Variants in APEH observed in about 807,000 individuals in gnomAD.
APEH encodes acylaminoacyl-peptide hydrolase.
Under a neutral mutation model 102.7 loss-of-function variants are expected in APEH, and 75 were observed. That is an observed-to-expected ratio of 0.73 (90% confidence interval 0.61 to 0.89). The LOEUF (loss-of-function observed/expected upper bound fraction) is 0.89. APEH is among the 40% of genes least tolerant of loss of function. The pLI, the probability that APEH is intolerant of heterozygous loss-of-function variation, is 0.00. For missense variants in APEH, 863 were observed against 941.2 expected (o/e 0.92, Z 1.09); for synonymous variants, 344 against 362.7 (o/e 0.95, Z 0.59).
chr3:49,680,698 A>G, intron 14 of APEH, 69 bp downstream of exon 14: 1 of 1,401,262 alleles, frequency 7.1e-7, no homozygotes, highest in Non-Finnish European at 1.0e-6. Flanking sequence ...CAGGTCAGGG[A>G]ATTGGCCCCA....
In APEH at chr3:49,682,631, C is replaced by T; in HGVS notation, c.1778C>T (p.Ser593Phe). 1 of 1,614,126 alleles carries T rather than the reference C, an allele frequency of 6.2e-7. No homozygotes were observed. Among genetic ancestry groups the T allele is most frequent in the Non-Finnish European group, 8.5e-7 (1 of 1,180,034 alleles). Residue 593 changes from serine (S) to phenylalanine (F), a missense_variant, in exon 19 of 22, where the codon TCC (serine) becomes TTC (phenylalanine). Ser to Phe is a radical substitution (Grantham distance 155). Coordinates refer to ENST00000296456, the MANE Select transcript of APEH (RefSeq NM_001640.4). Reference sequence around the variant, plus strand: ...GGTGGTTCCCATGGTGGCTTCATTTCCTGCCACTTGATTGGTCAGTACCCA... The same window carrying T: ...GGTGGTTCCCATGGTGGCTTCATTTTCTGCCACTTGATTGGTCAGTACCCA... ...LMGGSHGGFISCHLIGQYPET... is the reference protein window; with the variant it reads ...LMGGSHGGFIFCHLIGQYPET...
At chr3:49,674,243 C>T (rs968944786), upstream of APEH, 2 of 961,016 alleles carry the variant, frequency 2.1e-6, no homozygotes, top group Non-Finnish European at 3.0e-6. Flanking sequence ...GGCCCGCCCC[C>T]TGCCAACGGT....
chr3:49,677,690 G>A (rs368189075), intron 11 of APEH, 57 bp downstream of exon 11: 42 of 1,483,740 alleles, frequency 2.8e-5, no homozygotes, highest in Admixed American at 2.5e-4. Context: ...CTTTCCTGCC[G>A]TCTGTTGCAT....
At position 49,675,703 on chromosome 3, in the gene APEH, C is replaced by G. The variant is rs1559629586; in HGVS notation, c.282C>G (p.Ser94Arg). 1.2e-6 allele frequency: 2 copies of G among 1,613,896 alleles called. No individual in the cohort carries two copies. Among genetic ancestry groups the G allele is most frequent in the Non-Finnish European group, 1.7e-6 (2 of 1,179,922 alleles). The part of the protein sequence containing the change: ...NSVETRGELL[S>R]RESPSGTMKA... ...TACCCCATGTCCACAGACTGCTGAG[C>G]AGAGAGTCTCCTTCAGGCACCATGA... The change falls in exon 4 of 22, where the codon AGC (serine) becomes AGG (arginine). Residue 94 changes from serine to arginine, a missense_variant. Physicochemically the swap from Ser to Arg is moderately radical, Grantham distance 110. Coordinates refer to ENST00000296456, the MANE Select transcript of APEH (RefSeq NM_001640.4).
Position 49,683,642 on chromosome 3 carries a change from G to C in APEH, c.*300G>C, listed in dbSNP as rs1361526974. 3 of 479,436 alleles carry C rather than the reference G, an allele frequency of 6.3e-6. No homozygotes were observed. Among genetic ancestry groups the C allele is most frequent in the Non-Finnish European group, 1.1e-5 (3 of 262,560 alleles). 29.7% of individuals were successfully genotyped at this position (479,436 alleles called of 1,614,324 possible). On this transcript the variant is annotated 3_prime_UTR_variant, in exon 22 of 22. Coordinates refer to ENST00000296456, the MANE Select transcript of APEH (RefSeq NM_001640.4). Reference sequence around the variant, plus strand: ...AGTGTGAGAAGGGAGGGAACAGTGAGAGGCTTAGCCTCTGCCTGTCCTGGC... The same window carrying C: ...AGTGTGAGAAGGGAGGGAACAGTGACAGGCTTAGCCTCTGCCTGTCCTGGC...
intron 14 of APEH, 32 bp downstream of exon 14, chr3:49,680,661 C>G: frequency 6.3e-7 from 1 of 1,594,662 alleles, no homozygotes; most frequent in South Asian, 1.1e-5. Context: ...GCTGTGGAGG[C>G]AGGGGTTCTG....
chr3:49,676,105 T>A lies in APEH; in HGVS notation c.492T>A (p.Tyr164Ter), dbSNP rs764392325. The A allele has an allele frequency of 1.2e-5, 20 of 1,614,120 alleles. No individual in the cohort carries two copies. Among genetic ancestry groups the A allele is most frequent in the Non-Finnish European group, 1.7e-5 (20 of 1,180,046 alleles). Residue 164 changes from tyrosine (Y) to a stop codon, truncating the protein, a stop_gained, in exon 6 of 22, where the codon TAT (tyrosine) becomes TAA (stop). Coordinates refer to ENST00000296456, the MANE Select transcript of APEH (RefSeq NM_001640.4). LOFTEE classifies it high-confidence loss of function. The stretch of plus-strand genomic sequence containing the variant: ...CGCACTCGGAGACACACTTGTTGTA[T>A]GTGGCAGAGAAGAAGCGCCCCAAGG... ...SWSHSETHLL[Y>*]VAEKKRPKAE...
At chr3:49,682,311 T>C in intron 17 of APEH, 37 bp from the exon 18 acceptor site, 2 of 1,566,680 alleles carry the variant, frequency 1.3e-6, no homozygotes, top group Non-Finnish European at 1.8e-6. Flanking sequence ...CTGGGAATGT[T>C]GCCTGACTAC....
Position 49,675,939 on chromosome 3 carries a change from GAGA to G in APEH, c.417_419del (p.Lys140del). 6.2e-7 allele frequency: 1 copy of G among 1,614,204 alleles called. No individual in the cohort carries two copies. The highest frequency in any genetic ancestry group is 8.5e-7 in the Non-Finnish European group (1 of 1,180,034). The stretch of plus-strand genomic sequence containing the variant: ...CAAGAGCTTCAACCTGTCAGCGCTG[GAGA>G]AACATGGGCCTGTTTATGAGGATGG... On this transcript the variant is annotated inframe_deletion, in exon 5 of 22. Transcript: ENST00000296456.
Position 49,676,446 on chromosome 3 carries a change from C to T in APEH, c.675C>T (p.Cys225=), listed in dbSNP as rs138376291. 36 of 1,614,094 alleles carry T rather than the reference C, an allele frequency of 2.2e-5. No individual in the cohort carries two copies. Among genetic ancestry groups the T allele is most frequent in the African/African-American group, 4.0e-5 (3 of 74,936 alleles). ...NMVSKSIPVL[C]VLDVESGNIS... is the part of the protein sequence containing the mutation. Reference sequence around the variant, plus strand: ...TTTCCAAAAGCATCCCTGTGCTCTGCGTGCTGGATGTCGAGAGTGGCAACA... The same window carrying T: ...TTTCCAAAAGCATCCCTGTGCTCTGTGTGCTGGATGTCGAGAGTGGCAACA... The change falls in exon 7 of 22, where the codon TGC becomes TGT. Residue 225 remains cysteine, a synonymous_variant. Coordinates refer to ENST00000296456, the MANE Select transcript of APEH (RefSeq NM_001640.4).
chr3:49,677,116 C>G, intron 10 of APEH, 92 bp downstream of exon 10: 1 of 1,556,882 alleles, frequency 6.4e-7, no homozygotes, highest in South Asian at 1.2e-5. Flanking sequence ...TCCCCATAGG[C>G]CCTCAGTAGG....
Position 49,679,753 on chromosome 3 carries a change from A to G in APEH, c.1210+109A>G. The G allele has an allele frequency of 9.0e-7, 1 of 1,111,144 alleles. No individual in the cohort carries two copies. The highest frequency in any genetic ancestry group is 1.3e-6 in the Non-Finnish European group (1 of 746,460). 68.8% of individuals were successfully genotyped at this position (1,111,144 alleles called of 1,614,324 possible). ...TGGGGCAGTGATGGCATTCTCAGCC[A>G]CTCAGCACCACTGACTGTTCCACAG... On this transcript the variant is annotated intron_variant, in intron 13 of 21. Coordinates refer to ENST00000296456, the MANE Select transcript of APEH (RefSeq NM_001640.4). This position sits in a 1 kb window ranked among gnomAD's most constrained non-coding sequence, Gnocchi z 4.3.
At chr3:49,676,755 A>C in intron 8 of APEH, 22 bp from the exon 9 acceptor site, 1 of 1,614,172 alleles carries the variant, frequency 6.2e-7, no homozygotes, top group Non-Finnish European at 8.5e-7. Context: ...CTTGAGACTG[A>C]GTGTCTGTCT....
At chr3:49,675,392 G>C in intron 3 of APEH, 83 bp downstream of exon 3, 1 of 1,559,268 alleles carries the variant, frequency 6.4e-7, no homozygotes, top group Admixed American at 1.9e-5. Context: ...CATGTGCCTA[G>C]AAGGGAGGCC....
intron 8 of APEH, 29 bp from the exon 9 acceptor site, chr3:49,676,748 G>A: frequency 6.2e-7 from 1 of 1,614,268 alleles, no homozygotes. Flanking sequence ...AGCTGGCCTT[G>A]AGACTGAGTG....
upstream of APEH, chr3:49,674,285 A>G (rs370564352): frequency 4.5e-6 from 6 of 1,339,572 alleles, no homozygotes; most frequent in African/African-American, 1.5e-5. Context: ...CCCGCCCCTC[A>G]CAGATTGCCG....
chr3:49,676,476 T>G lies in APEH; in HGVS notation c.705T>G (p.Ser235=). ...TGGATGTCGAGAGTGGCAACATCTC[T>G]GTGCTTGAGGGGGTCCCTGAGAATG... ...CVLDVESGNI[S]VLEGVPENVS... is the part of the protein sequence containing the mutation. Residue 235 remains serine, a synonymous_variant, in exon 7 of 22, where the codon TCT becomes TCG. Coordinates refer to ENST00000296456, the MANE Select transcript of APEH (RefSeq NM_001640.4). 1 of 1,614,244 alleles carries G rather than the reference T, an allele frequency of 6.2e-7. No homozygotes were observed. Among genetic ancestry groups the G allele is most frequent in the South Asian group, 1.1e-5 (1 of 91,090 alleles).
chr3:49,674,892 G>A (rs966411666), intron 2 of APEH, among the ~76,000 whole-genome samples: 17 of 152,108 alleles, frequency 1.1e-4, no homozygotes, highest in South Asian at 2.1e-4. Flanking sequence ...ACCTTGTAGG[G>A]CTCTCCACCA....
At chr3:49,673,734 C>A (rs1229925562), upstream of APEH, among the ~76,000 whole-genome samples, 1 of 152,150 alleles carries the variant, frequency 6.6e-6, no homozygotes, top group Non-Finnish European at 1.5e-5. Context: ...CCGAAGGAAC[C>A]CTACAGTCAG....
Sources: gnomAD v4.1 joint callset for allele counts (sites outside exome capture counted in the v4.1 genomes callset) on GRCh38, gnomAD v4.1.1 for gene constraint, Gnocchi (gnomAD v3.1) non-coding constraint, MANE v1.5 for transcripts, NCBI Gene and HGNC (gene_info 2026-07-23, HGNC 2026-07-21) for gene names.